The following APOB variants were observed in gnomAD, a reference collection of about 807,000 sequenced individuals.
APOB encodes the protein apolipoprotein B-100.
Under a neutral mutation model 314.1 loss-of-function variants are expected in APOB, and 153 were observed. The ratio of observed to expected loss-of-function variants is 0.49; its 90% CI spans 0.43 to 0.56. The LOEUF (loss-of-function observed/expected upper bound fraction) is 0.56. APOB is among the 20% of genes least tolerant of loss of function. APOB has a pLI of 0.00. For missense variants in APOB, 5,430 were observed against 5,350.7 expected (o/e 1.01, Z -0.46); for synonymous variants, 2,087 against 2,036.4 (o/e 1.02, Z -0.67).
intron 8 of APOB, among the ~76,000 whole-genome samples, chr2:21,033,841 T>A (rs12720832): frequency 6.6e-6 from 1 of 152,188 alleles, no homozygotes; most frequent in East Asian, 1.9e-4. Context: ...GACAAAGAGA[T>A]GAGACCCAGA....
chr2:21,042,300 C>G, intron 3 of APOB, 61 bp downstream of exon 3: 1 of 1,378,360 alleles, frequency 7.3e-7, no homozygotes, highest in Non-Finnish European at 1.0e-6. Flanking sequence ...TGGGCGCCCG[C>G]TGGAACAGGG....
rs1301793195 is a variant in APOB, at chr2:21,011,751, G to C, written c.5117C>G (p.Thr1706Arg). The change falls in exon 26 of 29, where the codon ACA (threonine) becomes AGA (arginine). Residue 1706 changes from threonine to arginine, a missense_variant. Physicochemically the swap from Thr to Arg is moderately conservative, Grantham distance 71. Transcript: ENST00000233242. ...ATAAGCACTTCCCAGTGATAGCTCT[G>C]TGAGGGCGGCTTTCCCATCCAGACT... is the stretch of plus-strand genomic sequence containing the variant. ...KFSLDGKAAL[T>R]ELSLGSAYQA... The C allele has an allele frequency of 6.2e-7, 1 of 1,613,990 alleles. No homozygotes were observed. The highest frequency in any genetic ancestry group is 8.5e-7 in the Non-Finnish European group (1 of 1,180,034).
At chr2:21,016,752 A>T (rs570864463) in intron 20 of APOB, 103 bp from the exon 21 acceptor site, 31 of 764,104 alleles carry the variant, frequency 4.1e-5, no homozygotes, top group Admixed American at 3.8e-5. Context: ...TGGGAGGCCA[A>T]GGCGGGCAGA....
In APOB at chr2:21,007,864, G is replaced by C; in HGVS notation, c.9004C>G (p.Leu3002Val). Reference protein sequence around the residue: ...VDSQHVGHSVLTAKGMALFGE... With the variant: ...VDSQHVGHSVVTAKGMALFGE... ...AACAGTGCCATGCCTTTAGCAGTTA[G>C]AACACTGTGGCCCACATGCTGGGAA... is the stretch of plus-strand genomic sequence containing the variant. Residue 3002 changes from leucine to valine, a missense_variant, in exon 26 of 29, where the codon CTA becomes GTA. Leu to Val is a conservative substitution (Grantham distance 32, BLOSUM62 1). Coordinates refer to ENST00000233242, the MANE Select transcript of APOB (RefSeq NM_000384.3). The C allele has an allele frequency of 2.5e-6, 4 of 1,614,000 alleles. No homozygotes were observed. The highest frequency in any genetic ancestry group is 3.4e-6 in the Non-Finnish European group (4 of 1,179,950).
chr2:21,025,446 C>T (rs1004248029), intron 15 of APOB, among the ~76,000 whole-genome samples: 1 of 152,126 alleles, frequency 6.6e-6, no homozygotes, highest in African/African-American at 2.4e-5. Flanking sequence ...ATCCCCCACC[C>T]GTTCCCTGCT....
In APOB at chr2:21,011,851, C is replaced by A. The variant is rs762294547; in HGVS notation, c.5017G>T (p.Ala1673Ser). 15 of 1,613,862 alleles carry A rather than the reference C, an allele frequency of 9.3e-6. No individual in the cohort carries two copies. The highest frequency in any genetic ancestry group is 2.7e-5 in the African/African-American group (2 of 74,856). ...GATGCCCCAGAGAGGCCAAGCTCTG[C>A]ATTCAGCTCATTCTCCAGCACCAGG... Reference protein sequence around the residue: ...SLLVLENELNAELGLSGASMK... With the variant: ...SLLVLENELNSELGLSGASMK... The change falls in exon 26 of 29, where the codon GCA becomes TCA. Residue 1673 changes from alanine to serine, a missense_variant. By Grantham distance (99) the Ala-to-Ser change is moderately conservative. Coordinates refer to ENST00000233242, the MANE Select transcript of APOB (RefSeq NM_000384.3).
At chr2:21,014,963 A>C in intron 23 of APOB, 110 bp downstream of exon 23, 1 of 1,167,348 alleles carries the variant, frequency 8.6e-7, no homozygotes, top group Non-Finnish European at 1.3e-6. Context: ...CCTGGGGGGA[A>C]GGAAGCATGC....
chr2:21,032,690 T>C lies in APOB; in HGVS notation c.1125-109A>G, dbSNP rs569421396. ...GAGCCCTTAATCACCTCATTCACTA[T>C]TCAAATCTAACTTCAAAACCCAACT... On this transcript the variant is annotated intron_variant, in intron 9 of 28. Transcript: ENST00000233242. 5.4e-6 allele frequency: 4 copies of C among 746,996 alleles called. No individual in the cohort carries two copies. In the East Asian group the frequency reaches 1.2e-4, roughly 23 times the overall value. The allele number at this position is 746,996 out of a possible 1,614,324, so 46.3% of individuals were successfully genotyped here.
In APOB at chr2:21,043,902, G is replaced by GC; in HGVS notation, c.43_44insG (p.Pro15ArgfsTer43). The stretch of plus-strand genomic sequence containing the variant: ...CGCCAGCAGCAGCAGCAGCAGCGCA[G>GC]GCAGCGCCAGCAGCGCCAGCAGCGC... On this transcript the variant is annotated frameshift_variant, in exon 1 of 29. Transcript: ENST00000233242. LOFTEE classifies it high-confidence loss of function. The GC allele has an allele frequency of 2.8e-6, 4 of 1,426,596 alleles. No individual in the cohort carries two copies. The highest frequency in any genetic ancestry group is 2.7e-5 in the Admixed American group (1 of 36,408). The allele number at this position is 1,426,596 out of a possible 1,614,324, so 88.4% of individuals were successfully genotyped here. A position where few individuals can be genotyped will look rare whatever the true frequency, so the allele number is the denominator to read the frequency against.
rs547372326 is a variant in APOB, at chr2:21,009,611, G to C, written c.7257C>G (p.Phe2419Leu). ...FKTFIEDVNK[F>L]LDMLIKKLKS... ...TTAATTTCTTTATCAACATGTCAAG[G>C]AATTTGTTAACATCTTCAATGAATG... The change falls in exon 26 of 29, where the codon TTC becomes TTG. Residue 2419 changes from phenylalanine to leucine, a missense_variant. Phe to Leu is a conservative substitution (Grantham distance 22, BLOSUM62 0). Around this residue, in one of 3 missense-constraint regions of APOB, gnomAD observed 3,281 missense variants for 3,171.0 expected, o/e 1.03. Coordinates refer to ENST00000233242, the MANE Select transcript of APOB (RefSeq NM_000384.3). The C allele has an allele frequency of 6.2e-7, 1 of 1,613,764 alleles. No individual in the cohort carries two copies. Among genetic ancestry groups the C allele is most frequent in the African/African-American group, 1.3e-5 (1 of 74,990 alleles).
chr2:21,038,726 C>A (rs945675349), intron 4 of APOB, among the ~76,000 whole-genome samples: 4 of 152,224 alleles, frequency 2.6e-5, no homozygotes, highest in African/African-American at 9.7e-5. Context: ...TACGGACACC[C>A]GAGTGGTTGT....
At chr2:21,033,796 C>T (rs535366705) in intron 8 of APOB, among the ~76,000 whole-genome samples, 2 of 152,312 alleles carry the variant, frequency 1.3e-5, no homozygotes, top group South Asian at 2.1e-4. Context: ...GTAAATTGCT[C>T]ATCCCTGGAT....
rs778351930 is a variant in APOB at position 21,008,816 on chromosome 2, C to T, written c.8052G>A (p.Leu2684=). ...GATATATATCTGGAACGGGCCACTG[C>T]AGCTCACTGTTCAGCATCTGGTCAA... ...RTIDQMLNSE[L]QWPVPDIYLR... Residue 2684 remains leucine, a synonymous_variant, in exon 26 of 29, where the codon CTG becomes CTA. Coordinates refer to ENST00000233242, the MANE Select transcript of APOB (RefSeq NM_000384.3). 1.4e-5 allele frequency: 22 copies of T among 1,614,050 alleles called. No individual in the cohort carries two copies. The South Asian group carries it at 2.0e-4, about 14-fold the overall frequency.
chr2:21,009,219 A>G lies in APOB; in HGVS notation c.7649T>C (p.Ile2550Thr). The G allele has an allele frequency of 1.2e-6, 2 of 1,614,116 alleles. No individual in the cohort carries two copies. Among genetic ancestry groups the G allele is most frequent in the Non-Finnish European group, 1.7e-6 (2 of 1,179,956 alleles). ...GQVYSTLVTY[I>T]SDWWTLAAKN... The stretch of plus-strand genomic sequence containing the variant: ...AGCAGCAAGAGTCCACCAATCAGAA[A>G]TGTAGGTGACAAGTGTGCTATAAAC... The change falls in exon 26 of 29, where the codon ATT becomes ACT. Residue 2550 changes from isoleucine to threonine, a missense_variant. Physicochemically the swap from Ile to Thr is moderately conservative, Grantham distance 89. This residue lies in a region of APOB where 3,281 missense variants were observed against 3,171.0 expected (regional missense o/e 1.03). Coordinates refer to ENST00000233242, the MANE Select transcript of APOB (RefSeq NM_000384.3).
chr2:21,023,163 CAT>C, intron 17 of APOB, 121 bp from the exon 18 acceptor site: 1 of 928,164 alleles, frequency 1.1e-6, no homozygotes, highest in Non-Finnish European at 1.7e-6. Context: ...CCTTTGGAAA[CAT>C]TACTGGGATT....
rs746669954 is a variant in APOB, at chr2:21,029,914, G to T, written c.1454C>A (p.Thr485Asn). Residue 485 changes from threonine (T) to asparagine (N), a missense_variant, in exon 11 of 29, where the codon ACC becomes AAC. By Grantham distance (65) the Thr-to-Asn change is moderately conservative. This residue lies in a region of APOB where 2,085 missense variants were observed against 2,079.7 expected (regional missense o/e 1.00). Coordinates refer to ENST00000233242, the MANE Select transcript of APOB (RefSeq NM_000384.3). ...QDDCTGDEDY[T>N]YLILRVIGNM... is the part of the protein sequence containing the mutation. ...TGAGATTACCCGCAGAATCAAATAG[G>T]TGTAATCTTCATCCCCAGTGCAGTC... is the stretch of plus-strand genomic sequence containing the variant. The T allele has an allele frequency of 6.2e-7, 1 of 1,613,092 alleles. No individual in the cohort carries two copies. Among genetic ancestry groups the T allele is most frequent in the Non-Finnish European group, 8.5e-7 (1 of 1,179,192 alleles).
Position 21,005,408 on chromosome 2 carries a change from T to A in APOB, c.11460A>T (p.Leu3820Phe). The change falls in exon 26 of 29, where the codon TTA (leucine) becomes TTT (phenylalanine). Residue 3820 changes from leucine to phenylalanine, a missense_variant. By Grantham distance (22) the Leu-to-Phe change is conservative (BLOSUM62 0). Around this residue, in one of 3 missense-constraint regions of APOB, gnomAD observed 3,281 missense variants for 3,171.0 expected, o/e 1.03. Coordinates refer to ENST00000233242, the MANE Select transcript of APOB (RefSeq NM_000384.3). Reference protein sequence around the residue: ...FFEITVPESQLTVSQFTLPKS... With the variant: ...FFEITVPESQFTVSQFTLPKS... ...TTGGAAGCGTGAACTGGGACACAGT[T>A]AACTGAGATTCAGGCACGGTTATCT... 6.2e-7 allele frequency: 1 copy of A among 1,614,074 alleles called. No individual in the cohort carries two copies. The highest frequency in any genetic ancestry group is 1.1e-5 in the South Asian group (1 of 91,086).
chr2:21,042,763 G>C (rs965548820), intron 2 of APOB, among the ~76,000 whole-genome samples: 2 of 151,944 alleles, frequency 1.3e-5, no homozygotes, highest in Non-Finnish European at 2.9e-5. Flanking sequence ...ATCTGCATGA[G>C]AGACCCTCTG....
chr2:21,025,358 A>G (rs1663704812), intron 15 of APOB, among the ~76,000 whole-genome samples: 1 of 152,144 alleles, frequency 6.6e-6, no homozygotes, highest in Non-Finnish European at 1.5e-5. Flanking sequence ...ATCTGTAGAC[A>G]TAGTAAGATG....
Sources: gnomAD v4.1 joint callset for allele counts (sites outside exome capture counted in the v4.1 genomes callset) on GRCh38, gnomAD v4.1.1 for gene constraint, gnomAD v4.1.1 regional missense constraint, MANE v1.5 for transcripts, NCBI Gene and HGNC (gene_info 2026-07-23, HGNC 2026-07-21) for gene names.